The following ENOPH1 variants were observed in gnomAD, a reference collection of about 807,000 sequenced individuals.
The protein encoded by ENOPH1 is enolase-phosphatase E1.
A neutral mutation model predicts 31.1 loss-of-function variants in ENOPH1; 14 were observed. The ratio of observed to expected loss-of-function variants is 0.45; its 90% CI spans 0.30 to 0.70. The LOEUF is 0.70. Among genes scored for constraint, ENOPH1 ranks in the 30% least tolerant of loss-of-function variants. The pLI, the probability that ENOPH1 is intolerant of heterozygous loss-of-function variation, is 0.09. For synonymous variants in ENOPH1, 127 were observed against 123.2 expected, an observed-to-expected ratio of 1.03 and a Z score of -0.21; for missense variants, 243 against 321.5, an observed-to-expected ratio of 0.76 and a Z score of 1.87.
At position 82,460,439 on chromosome 4, in the gene ENOPH1, C is replaced by T. The variant is rs1159245434; in HGVS notation, c.*319C>T. Reference sequence around the variant, plus strand: ...ATCTAATGTGCTATGTTTATCAAATCGTGTACTAAAATGGAAAGCTAGTTT... The same window carrying T: ...ATCTAATGTGCTATGTTTATCAAATTGTGTACTAAAATGGAAAGCTAGTTT... On this transcript the variant is annotated 3_prime_UTR_variant, in exon 6 of 6. Coordinates refer to ENST00000273920, the MANE Select transcript of ENOPH1 (RefSeq NM_021204.5). 1.1e-5 allele frequency: 2 copies of T among 183,760 alleles called. No individual in the cohort carries two copies. Among genetic ancestry groups the T allele is most frequent in the East Asian group, 1.4e-4 (1 of 7,272 alleles). 11.4% of individuals were successfully genotyped at this position (183,760 alleles called of 1,614,324 possible).
intron 1 of ENOPH1, 58 bp from the exon 2 acceptor site, chr4:82,447,862 G>A: frequency 9.7e-7 from 1 of 1,033,494 alleles, no homozygotes. Context: ...TGGAAGAACT[G>A]GATCTTTTAC....
At chr4:82,446,662 C>CTTTT (rs34342267) in intron 1 of ENOPH1, among the ~76,000 whole-genome samples, 13 of 74,734 alleles carry the variant, frequency 1.7e-4, no homozygotes, top group African/African-American at 5.0e-4. Context: ...TTGCACATCA[C>CTTTT]TTTTTTTTTT....
intron 1 of ENOPH1, among the ~76,000 whole-genome samples, chr4:82,439,088 C>T (rs1026857775): frequency 2.0e-5 from 3 of 152,142 alleles, no homozygotes; most frequent in Non-Finnish European, 4.4e-5. Flanking sequence ...CAGAGGCCCT[C>T]CTGGATCCTC....
intron 2 of ENOPH1, among the ~76,000 whole-genome samples, chr4:82,450,063 A>G (rs1245803024): frequency 6.6e-6 from 1 of 152,136 alleles, no homozygotes; most frequent in African/African-American, 2.4e-5. Context: ...TATATTGGAT[A>G]CTGTGGAATG....
chr4:82,459,963 T>C lies in ENOPH1; in HGVS notation c.647-18T>C. 2 of 1,613,024 alleles carry C rather than the reference T, an allele frequency of 1.2e-6. No homozygotes were observed. Among genetic ancestry groups the C allele is most frequent in the Non-Finnish European group, 8.5e-7 (1 of 1,179,864 alleles). On this transcript the variant is annotated intron_variant, in intron 5 of 5. Transcript: ENST00000273920. ...TTTTGGTGTTTCTGACACACACACA[T>C]CCTTTGATTTTTCACAGAGGCCAGT...
intron 1 of ENOPH1, among the ~76,000 whole-genome samples, chr4:82,442,997 G>A (rs1722080310): frequency 6.6e-6 from 1 of 152,112 alleles, no homozygotes; most frequent in African/African-American, 2.4e-5. Context: ...AGTAGAGAGG[G>A]GGTTTCACCA....
At chr4:82,442,531 CAA>C (rs139764116) in intron 1 of ENOPH1, among the ~76,000 whole-genome samples, 4,322 of 151,130 alleles carry the variant, frequency 0.029, 136 homozygotes, top group African/African-American at 0.077. Flanking sequence ...AAAAAACAAA[CAA>C]AAAAAACACT....
intron 2 of ENOPH1, among the ~76,000 whole-genome samples, chr4:82,449,869 A>G (rs1722303240): frequency 6.6e-6 from 1 of 150,918 alleles, no homozygotes; most frequent in African/African-American, 2.4e-5. Context: ...CAGCCCTCAT[A>G]CCTCCTTTGG....
chr4:82,449,827 T>C (rs1017823464), intron 2 of ENOPH1, among the ~76,000 whole-genome samples: 1 of 152,146 alleles, frequency 6.6e-6, no homozygotes, highest in Non-Finnish European at 1.5e-5. Context: ...CACACTCCCC[T>C]TCCAGACTCC....
intron 1 of ENOPH1, among the ~76,000 whole-genome samples, chr4:82,441,196 A>G (rs1722029660): frequency 6.6e-6 from 1 of 152,236 alleles, no homozygotes; most frequent in Non-Finnish European, 1.5e-5. Context: ...GATAAAGGAA[A>G]GAGGTATAAT....
chr4:82,432,973 T>A (rs1721814131), intron 1 of ENOPH1, among the ~76,000 whole-genome samples: 1 of 150,326 alleles, frequency 6.7e-6, no homozygotes, highest in Non-Finnish European at 1.5e-5. Context: ...ATACTGATGA[T>A]TGATTAATTT....
chr4:82,441,686 T>TC (rs1722046552), intron 1 of ENOPH1, among the ~76,000 whole-genome samples: 1 of 152,016 alleles, frequency 6.6e-6, no homozygotes, highest in South Asian at 2.1e-4. Context: ...AGTTATTTAC[T>TC]CCCAGCACTT....
In ENOPH1 at chr4:82,460,887, AT is replaced by A. The variant is rs1722629064; in HGVS notation, c.*768del. On this transcript the variant is annotated 3_prime_UTR_variant, in exon 6 of 6. Transcript: ENST00000273920. ...TCTAACTACTTAGCACAGTTTGAGA[AT>A]ACGTTAATTGCTATTTACTATTTAA... The A allele has an allele frequency of 6.6e-6, 1 of 152,248 alleles. No homozygotes were observed. The allele number at this position is 152,248 out of a possible 1,614,324, so 9.4% of individuals were successfully genotyped here.
intron 4 of ENOPH1, among the ~76,000 whole-genome samples, chr4:82,456,593 G>T (rs189660762): frequency 2.0e-5 from 3 of 152,312 alleles, no homozygotes; most frequent in Admixed American, 2.0e-4. Context: ...TGAGTAGTTT[G>T]AGTGCAAATC....
intron 1 of ENOPH1, among the ~76,000 whole-genome samples, chr4:82,443,750 C>T (rs568955261): frequency 1.3e-5 from 2 of 151,936 alleles, no homozygotes; most frequent in Non-Finnish European, 2.9e-5. Context: ...AAATAATAGC[C>T]CACAATATTG....
chr4:82,439,660 G>A (rs1721992944), intron 1 of ENOPH1, among the ~76,000 whole-genome samples: 1 of 152,164 alleles, frequency 6.6e-6, no homozygotes, highest in South Asian at 2.1e-4. Flanking sequence ...CTGAAAAATG[G>A]AGGAAGTAGT....
chr4:82,440,029 T>G (rs2110038858), intron 1 of ENOPH1, among the ~76,000 whole-genome samples: 1 of 152,258 alleles, frequency 6.6e-6, no homozygotes, highest in East Asian at 1.9e-4. Context: ...GGGTAGGCAT[T>G]TGGAAAAGGT....
In ENOPH1 at chr4:82,430,900, T is replaced by C; in HGVS notation, c.71T>C (p.Ile24Thr). ...GATATCGAAGGTACCACAACCCCGA[T>C]TGCTTTCGTGAAGGTGAGGGGCGGA... is the stretch of plus-strand genomic sequence containing the variant. ...LLDIEGTTTP[I>T]AFVKDILFPY... The change falls in exon 1 of 6, where the codon ATT becomes ACT. Residue 24 changes from isoleucine to threonine, a missense_variant. Ile to Thr is a moderately conservative substitution (Grantham distance 89, BLOSUM62 -1). Coordinates refer to ENST00000273920, the MANE Select transcript of ENOPH1 (RefSeq NM_021204.5). The C allele has an allele frequency of 6.2e-7, 1 of 1,614,158 alleles. No individual in the cohort carries two copies. Among genetic ancestry groups the C allele is most frequent in the Non-Finnish European group, 8.5e-7 (1 of 1,179,978 alleles).
At chr4:82,451,699 A>T (rs868828485) in intron 3 of ENOPH1, among the ~76,000 whole-genome samples, 5 of 152,308 alleles carry the variant, frequency 3.3e-5, no homozygotes, top group Middle Eastern at 3.4e-3. Context: ...TGCTCTTTTG[A>T]GCAACTTCCA....
Sources: gnomAD v4.1 joint callset for allele counts (sites outside exome capture counted in the v4.1 genomes callset) on GRCh38, gnomAD v4.1.1 for gene constraint, MANE v1.5 for transcripts, NCBI Gene and HGNC (gene_info 2026-07-23, HGNC 2026-07-21) for gene names.